The following TNRC6B variants were observed in gnomAD, a reference collection of about 807,000 sequenced individuals.
The protein encoded by TNRC6B is trinucleotide repeat containing adaptor 6B, also known as trinucleotide repeat-containing gene 6B protein.
Under a neutral mutation model 203.6 loss-of-function variants are expected in TNRC6B, and 52 were observed. That is an observed-to-expected ratio of 0.26 (90% CI 0.20 to 0.32). The LOEUF (loss-of-function observed/expected upper bound fraction) is 0.32. Ranked by LOEUF, TNRC6B falls within the 10% of genes least tolerant of loss-of-function variation. The pLI, the probability that TNRC6B is intolerant of heterozygous loss-of-function variation, is 1.00. For missense variants in TNRC6B, 1,923 were observed against 2,286.2 expected, an observed-to-expected ratio of 0.84 and a Z score of 3.24; for synonymous variants, 838 against 845.7, an observed-to-expected ratio of 0.99 and a Z score of 0.16.
At chr22:40,097,075 G>A (rs1201050416) in intron 1 of TNRC6B, among the ~76,000 whole-genome samples, 1 of 152,338 alleles carries the variant, frequency 6.6e-6, no homozygotes, top group Admixed American at 6.5e-5. Flanking sequence ...TGATGGGTGA[G>A]GTGTCAGGTG....
rs1429745341 is a variant in TNRC6B at position 40,315,459 on chromosome 22, C to A, written c.4855C>A (p.Pro1619Thr). Residue 1619 changes from proline (P) to threonine (T), a missense_variant, in exon 20 of 23, where the codon CCC becomes ACC. Transcript: ENST00000454349. Reference protein sequence around the residue: ...KPSSPWSSTAPRSVRGWGTQD... With the variant: ...KPSSPWSSTATRSVRGWGTQD... ...ATCATCTCCCTGGAGCAGCACAGCA[C>A]CCCGATCAGTCAGGGGGTGGGGGAC... 6.2e-7 allele frequency: 1 copy of A among 1,614,026 alleles called. No homozygotes were observed. Among genetic ancestry groups the A allele is most frequent in the Non-Finnish European group, 8.5e-7 (1 of 1,179,904 alleles).
intron 4 of TNRC6B, among the ~76,000 whole-genome samples, chr22:40,170,683 C>CA (rs2068975254): frequency 7.3e-6 from 1 of 136,752 alleles, no homozygotes; most frequent in Non-Finnish European, 1.5e-5. Context: ...AAACAATTCT[C>CA]ACTTTGCAAA....
At chr22:40,231,104 C>T (rs550467370) in intron 1 of TNRC6B, among the ~76,000 whole-genome samples, 150 of 152,112 alleles carry the variant, frequency 9.9e-4, no homozygotes, top group Non-Finnish European at 1.7e-3. Context: ...TCCCATTGAA[C>T]TTTTTGTCTA....
At chr22:40,286,921 C>G (rs1356933534) in intron 12 of TNRC6B, among the ~76,000 whole-genome samples, 1 of 152,188 alleles carries the variant, frequency 6.6e-6, no homozygotes, top group Admixed American at 6.5e-5. Context: ...AGCTTTGAGT[C>G]TGTTTCATCC....
intron 4 of TNRC6B, among the ~76,000 whole-genome samples, chr22:40,166,948 T>G (rs1472004599): frequency 6.6e-6 from 1 of 151,466 alleles, no homozygotes; most frequent in Non-Finnish European, 1.5e-5. Context: ...CTCTATTGAA[T>G]ATCTTTTATA....
intron 21 of TNRC6B, among the ~76,000 whole-genome samples, chr22:40,320,623 A>G (rs983701761): frequency 6.6e-6 from 1 of 152,262 alleles, no homozygotes; most frequent in African/African-American, 2.4e-5. Context: ...TGAGGGGTAC[A>G]GCCTTTGGTC....
chr22:40,200,278 C>CTTTTTTTTTTTTT (rs59067007), intron 1 of TNRC6B, among the ~76,000 whole-genome samples: 1 of 75,510 alleles, frequency 1.3e-5, no homozygotes, highest in Non-Finnish European at 2.3e-5. Context: ...AAGTAATATT[C>CTTTTTTTTTTTTT]TTTTTTTTTT....
chr22:40,113,448 A>C lies in TNRC6B; in HGVS notation c.-120-3607A>C, dbSNP rs559573131. On this transcript the variant is annotated intron_variant, in intron 1 of 23. Transcript: ENST00000301923. The stretch of plus-strand genomic sequence containing the variant: ...AGGCTCACCGCATCCCCTGCCTCCT[A>C]GGCTCAAGCCATCCTCCCACCTCAG... Among the ~76,000 whole-genome samples the C allele has an allele frequency of 5.6e-4, 86 of 152,218 alleles. 1 individual carries two copies. The South Asian group carries it at 0.018, about 31-fold the overall frequency.
At chr22:40,143,653 C>T (rs889140522) in intron 3 of TNRC6B, among the ~76,000 whole-genome samples, 9 of 152,060 alleles carry the variant, frequency 5.9e-5, no homozygotes, top group East Asian at 1.9e-4. Context: ...CCCACCACCA[C>T]GCCCCGCTAA....
intron 1 of TNRC6B, among the ~76,000 whole-genome samples, chr22:40,072,541 C>T (rs2067960178): frequency 1.3e-5 from 2 of 152,246 alleles, no homozygotes; most frequent in East Asian, 3.9e-4. Flanking sequence ...TTCAGTTCAA[C>T]AAACTTTTAT....
chr22:40,311,767 T>C (rs553955578), intron 17 of TNRC6B, among the ~76,000 whole-genome samples: 9 of 152,304 alleles, frequency 5.9e-5, no homozygotes, highest in African/African-American at 2.2e-4. Flanking sequence ...GTTCTCAAAC[T>C]CCTGACCTCA....
At chr22:40,197,610 T>C (rs570054102) in intron 1 of TNRC6B, among the ~76,000 whole-genome samples, 26 of 150,588 alleles carry the variant, frequency 1.7e-4, no homozygotes, top group Admixed American at 4.6e-4. Context: ...CTTTTTCTTT[T>C]TTTTTTTTTT....
At chr22:40,064,789 G>A (rs1326242756) in intron 1 of TNRC6B, among the ~76,000 whole-genome samples, 3 of 151,312 alleles carry the variant, frequency 2.0e-5, no homozygotes, top group Non-Finnish European at 4.4e-5. Flanking sequence ...ACTAATTTTT[G>A]TATTTTTAGT....
intron 3 of TNRC6B, among the ~76,000 whole-genome samples, chr22:40,256,726 A>G (rs766189119): frequency 6.6e-6 from 1 of 152,160 alleles, no homozygotes; most frequent in Non-Finnish European, 1.5e-5. Context: ...CCCTTTACAG[A>G]AAGTTTGCTG....
chr22:40,158,082 A>T (rs2068834122), intron 4 of TNRC6B, among the ~76,000 whole-genome samples: 1 of 152,124 alleles, frequency 6.6e-6, no homozygotes, highest in South Asian at 2.1e-4. Context: ...GGCTCACTGT[A>T]ATCCCAGCAC....
intron 1 of TNRC6B, among the ~76,000 whole-genome samples, chr22:40,071,195 C>T (rs1046649431): frequency 2.0e-5 from 3 of 152,006 alleles, no homozygotes; most frequent in Non-Finnish European, 4.4e-5. Context: ...GAAATTAGGA[C>T]ACCTCTTCAC....
chr22:40,116,146 T>C (rs1214006974), intron 1 of TNRC6B, among the ~76,000 whole-genome samples: 2 of 152,216 alleles, frequency 1.3e-5, no homozygotes, highest in Non-Finnish European at 2.9e-5. Flanking sequence ...TCTCTAGCTG[T>C]GGGGAATGGA....
At chr22:40,243,068 A>G (rs2070054063) in intron 1 of TNRC6B, among the ~76,000 whole-genome samples, 1 of 151,398 alleles carries the variant, frequency 6.6e-6, no homozygotes, top group Non-Finnish European at 1.5e-5. Flanking sequence ...ATGGGGTTTC[A>G]CTGTGTTAGC....
chr22:40,080,289 A>G (rs1389966634), intron 1 of TNRC6B, among the ~76,000 whole-genome samples: 1 of 150,928 alleles, frequency 6.6e-6, no homozygotes. Flanking sequence ...AGGGCATTGT[A>G]TTGCATGATT....
Sources: gnomAD v4.1 joint callset for allele counts (sites outside exome capture counted in the v4.1 genomes callset) on GRCh38, gnomAD v4.1.1 for gene constraint, MANE v1.5 for transcripts, NCBI Gene and HGNC (gene_info 2026-07-23, HGNC 2026-07-21) for gene names.